TAOK3: variants seen among roughly 807,000 people sequenced by gnomAD.
TAOK3 encodes serine/threonine-protein kinase TAO3.
A neutral mutation model predicts 120.4 loss-of-function variants in TAOK3; 40 were observed. That is an observed-to-expected ratio of 0.33 (90% CI 0.26 to 0.43). The LOEUF is 0.43. Among genes scored for constraint, TAOK3 ranks in the 20% least tolerant of loss-of-function variants. The pLI is 1.00. For missense variants in TAOK3, 821 were observed against 1,112.1 expected (o/e 0.74, Z 3.72); for synonymous variants, 355 against 387.5 (o/e 0.92, Z 0.99).
At chr12:118,316,561 T>A (rs1180260446) in intron 1 of TAOK3, among the ~76,000 whole-genome samples, 1 of 152,052 alleles carries the variant, frequency 6.6e-6, no homozygotes. Flanking sequence ...CCACCCTGCC[T>A]GGCTAGATTC....
chr12:118,252,630 C>T (rs2040804957), intron 3 of TAOK3, among the ~76,000 whole-genome samples: 1 of 151,896 alleles, frequency 6.6e-6, no homozygotes, highest in Admixed American at 6.6e-5. Flanking sequence ...GGACCTGAGA[C>T]TAAAGAAGAC....
intron 2 of TAOK3, 35 bp from the exon 3 acceptor site, chr12:118,255,690 C>A: frequency 4.7e-6 from 5 of 1,054,502 alleles, no homozygotes; most frequent in Non-Finnish European, 6.8e-6. Flanking sequence ...TAAATTATTT[C>A]TAACACATTT....
Position 118,266,766 on chromosome 12 carries a change from A to G in TAOK3, c.-193-7T>C. The G allele has an allele frequency of 2.5e-6, 1 of 396,658 alleles. No individual in the cohort carries two copies. 24.6% of individuals were successfully genotyped at this position (396,658 alleles called of 1,614,324 possible). A position where few individuals can be genotyped will look rare whatever the true frequency, so the allele number is the denominator to read the frequency against. ...TTTGTATTTATGATGCAACCTATAGAAAAAGAAGAACAAAATACATAATTA... is the reference window on the plus strand; with the variant it reads ...TTTGTATTTATGATGCAACCTATAGGAAAAGAAGAACAAAATACATAATTA... On this transcript the variant is annotated splice_region_variant and splice_polypyrimidine_tract_variant and intron_variant, in intron 1 of 20. Transcript: ENST00000392533.
At chr12:118,263,454 C>A (rs1481652522) in intron 2 of TAOK3, among the ~76,000 whole-genome samples, 1 of 151,998 alleles carries the variant, frequency 6.6e-6, no homozygotes, top group Admixed American at 6.6e-5. Flanking sequence ...AGTTAATAAC[C>A]CAAAGCACAA....
At chr12:118,290,988 T>C (rs936146144) in intron 1 of TAOK3, among the ~76,000 whole-genome samples, 3 of 150,584 alleles carry the variant, frequency 2.0e-5, no homozygotes, top group Non-Finnish European at 4.4e-5. Flanking sequence ...CTCGAGTAGC[T>C]GGGATTACAG....
rs779967662 is a variant in TAOK3, at chr12:118,181,385, T to C, written c.1552A>G (p.Ile518Val). The C allele has an allele frequency of 7.4e-6, 12 of 1,613,782 alleles. No individual in the cohort carries two copies. Among genetic ancestry groups the C allele is most frequent in the East Asian group, 6.7e-5 (3 of 44,868 alleles). ...CACATACTGACCTCCTTTTCTATGA[T>C]AGCCACTTGCTTCTTGGCCAGCTTC... ...LEKLAKKQVAIIEKEAKVAAA... is the reference protein window; with the variant it reads ...LEKLAKKQVAVIEKEAKVAAA... Residue 518 changes from isoleucine (I) to valine (V), a missense_variant, in exon 15 of 21, where the codon ATC becomes GTC. Around this residue, in one of 2 missense-constraint regions of TAOK3, gnomAD observed 354 missense variants for 572.1 expected, o/e 0.62. Coordinates refer to ENST00000392533, the MANE Select transcript of TAOK3 (RefSeq NM_016281.4).
chr12:118,348,454 C>CT lies in TAOK3; in HGVS notation c.-194+24193dup, dbSNP rs1168127251. 1.8e-3 allele frequency among the ~76,000 whole-genome samples: 260 copies of CT among 145,164 alleles called. 1 individual carries two copies. The highest frequency in any genetic ancestry group is 3.6e-3 in the Middle Eastern group (1 of 276). The stretch of plus-strand genomic sequence containing the variant: ...TTCTGCCTTATTTCTTTCTTTCTTT[C>CT]TTTTTTTTTTTTTTGAGACGGAGTC... On this transcript the variant is annotated intron_variant, in intron 1 of 20. Coordinates refer to ENST00000392533, the MANE Select transcript of TAOK3 (RefSeq NM_016281.4).
At chr12:118,346,076 G>A (rs1004358093) in intron 1 of TAOK3, among the ~76,000 whole-genome samples, 5 of 152,014 alleles carry the variant, frequency 3.3e-5, no homozygotes, top group African/African-American at 1.2e-4. Flanking sequence ...AATATATCTA[G>A]GTATAGAATA....
chr12:118,240,548 G>A (rs1292126117), intron 5 of TAOK3, among the ~76,000 whole-genome samples: 1 of 151,922 alleles, frequency 6.6e-6, no homozygotes, highest in African/African-American at 2.4e-5. Context: ...GTTTCACCAT[G>A]TTGGCCAGCC....
intron 1 of TAOK3, among the ~76,000 whole-genome samples, chr12:118,322,279 C>T (rs2043740204): frequency 7.1e-6 from 1 of 139,896 alleles, no homozygotes; most frequent in African/African-American, 2.7e-5. Flanking sequence ...CGCGCCACTA[C>T]ACTCCAGCCT....
chr12:118,369,684 T>A (rs1450496170), intron 1 of TAOK3, among the ~76,000 whole-genome samples: 1 of 152,212 alleles, frequency 6.6e-6, no homozygotes, highest in African/African-American at 2.4e-5. Context: ...CTGTTCTAAA[T>A]ACCCTTTTGA....
Position 118,152,421 on chromosome 12 carries a change from G to C in TAOK3, c.2353-12C>G, listed in dbSNP as rs1213876210. ...TCATCTAGCCGTAACTGCGGACACA[G>C]AAGACACACACGGTCATGCACCCTT... On this transcript the variant is annotated splice_polypyrimidine_tract_variant and intron_variant, in intron 19 of 20. Transcript: ENST00000392533. The C allele has an allele frequency of 2.5e-6, 4 of 1,605,276 alleles. No individual in the cohort carries two copies. The highest frequency in any genetic ancestry group is 2.7e-5 in the African/African-American group (2 of 74,868).
In TAOK3 at chr12:118,180,848, AT is replaced by A. The variant is rs1296532215; in HGVS notation, c.1566+522del. On this transcript the variant is annotated intron_variant, in intron 15 of 20. Coordinates refer to ENST00000392533, the MANE Select transcript of TAOK3 (RefSeq NM_016281.4). The stretch of plus-strand genomic sequence containing the variant: ...GATACTCAGAATATACATAAGTATA[AT>A]TTTTTTTTTTTTTTGAGAAGAGACT... 2.6e-3 allele frequency among the ~76,000 whole-genome samples: 375 copies of A among 143,056 alleles called. 2 individuals carry two copies. Among genetic ancestry groups the A allele is most frequent in the East Asian group, 0.01 (50 of 4,940 alleles). 93.9% of individuals were successfully genotyped at this position (143,056 alleles called of 152,430 possible).
intron 1 of TAOK3, among the ~76,000 whole-genome samples, chr12:118,337,454 C>A (rs147108757): frequency 1.3e-5 from 2 of 152,298 alleles, no homozygotes; most frequent in South Asian, 4.1e-4. Context: ...TACATAAAAA[C>A]TTGTACGAGA....
At position 118,189,798 on chromosome 12, in the gene TAOK3, T is replaced by C; in HGVS notation, c.1329+9A>G. On this transcript the variant is annotated intron_variant, in intron 14 of 20. Transcript: ENST00000392533. ...GGAAGGGAAGGTGGGTAGAGGGGTG[T>C]TTGCTTACCAAAGATGCTGATTTGA... 11 of 1,613,990 alleles carry C rather than the reference T, an allele frequency of 6.8e-6. No individual in the cohort carries two copies. The highest frequency in any genetic ancestry group is 1.3e-5 in the African/African-American group (1 of 74,984).
chr12:118,177,810 C>T (rs928445183), intron 15 of TAOK3, among the ~76,000 whole-genome samples: 1 of 150,964 alleles, frequency 6.6e-6, no homozygotes, highest in Non-Finnish European at 1.5e-5. Flanking sequence ...GCAACAAGAG[C>T]AGAACTCTGT....
intron 14 of TAOK3, among the ~76,000 whole-genome samples, chr12:118,185,661 A>G (rs529006798): frequency 6.6e-6 from 1 of 152,380 alleles, no homozygotes; most frequent in South Asian, 2.1e-4. Context: ...GTAATGACTG[A>G]TAACAGGCAA....
rs188044972 is a variant in TAOK3, at chr12:118,285,262, C to T, written c.-193-18503G>A. Among the ~76,000 whole-genome samples, 669 of 152,164 alleles carry T rather than the reference C, an allele frequency of 4.4e-3. 2 individuals carry two copies. The highest frequency in any genetic ancestry group is 6.6e-3 in the Non-Finnish European group (447 of 68,018). The stretch of plus-strand genomic sequence containing the variant: ...TTCTCCATATTGTCCAGGCTGGTCA[C>T]GAACTCCTGACTTCAAGTGGTCTGC... On this transcript the variant is annotated intron_variant, in intron 1 of 20. Transcript: ENST00000392533.
intron 1 of TAOK3, among the ~76,000 whole-genome samples, chr12:118,332,083 C>T (rs751797378): frequency 2.3e-4 from 35 of 152,310 alleles, no homozygotes; most frequent in Middle Eastern, 3.4e-3. Flanking sequence ...CCTTGGCCTC[C>T]CACAGTGCTG....
Sources: allele counts gnomAD v4.1 joint callset (sites outside exome capture counted in the v4.1 genomes callset), GRCh38; gene constraint gnomAD v4.1.1; regional missense constraint gnomAD v4.1.1; transcripts MANE v1.5; gene names NCBI Gene and HGNC (gene_info 2026-07-23, HGNC 2026-07-21).